VPS13B: variants seen among roughly 807,000 people sequenced by gnomAD.
VPS13B encodes intermembrane lipid transfer protein VPS13B.
VPS13B carries 285 observed loss-of-function variants against 426.4 expected under a neutral mutation model. That is an observed-to-expected ratio of 0.67 (90% CI 0.61 to 0.74). VPS13B has a LOEUF of 0.74. VPS13B is among the 30% of genes least tolerant of loss of function. The pLI, the probability that VPS13B is intolerant of heterozygous loss-of-function variation, is 0.00. For missense variants in VPS13B, 4,537 were observed against 4,782.6 expected (o/e 0.95, Z 1.51); for synonymous variants, 1,676 against 1,676.4 (o/e 1.00, Z 0.01).
At chr8:99,530,169 A>G (rs547732260) in intron 30 of VPS13B, among the ~76,000 whole-genome samples, 25 of 152,150 alleles carry the variant, frequency 1.6e-4, no homozygotes, top group Non-Finnish European at 2.5e-4. Flanking sequence ...AATCCTTAAG[A>G]ATCGCATCTA....
At chr8:99,825,884 G>T (rs958665856) in intron 51 of VPS13B, among the ~76,000 whole-genome samples, 4 of 152,136 alleles carry the variant, frequency 2.6e-5, no homozygotes, top group African/African-American at 9.7e-5. Flanking sequence ...GGTTGTAGAT[G>T]TGTGGTGTTA....
intron 19 of VPS13B, among the ~76,000 whole-genome samples, chr8:99,356,007 C>T (rs1307564302): frequency 6.6e-6 from 1 of 152,070 alleles, no homozygotes; most frequent in Non-Finnish European, 1.5e-5. Context: ...AGGGGTGCTA[C>T]CCACGTCATA....
At chr8:99,576,245 A>G (rs1825768808) in intron 32 of VPS13B, among the ~76,000 whole-genome samples, 3 of 152,264 alleles carry the variant, frequency 2.0e-5, no homozygotes, top group African/African-American at 4.8e-5. Flanking sequence ...AATCCTACCA[A>G]TTGCATTCAT....
intron 2 of VPS13B, among the ~76,000 whole-genome samples, chr8:99,028,522 ACC>A (rs754701678): frequency 0.024 from 1,179 of 50,004 alleles, 270 homozygotes; most frequent in Non-Finnish European, 0.029. Context: ...CGGGGGGCTG[ACC>A]CCCCCCCCCA....
At chr8:99,360,945 G>T (rs1048918617) in intron 19 of VPS13B, among the ~76,000 whole-genome samples, 1 of 152,050 alleles carries the variant, frequency 6.6e-6, no homozygotes, top group African/African-American at 2.4e-5. Context: ...ATTGTCCTTT[G>T]AGAGAAATCA....
intron 27 of VPS13B, 121 bp downstream of exon 27, chr8:99,503,071 G>A (rs553105420): frequency 8.7e-6 from 6 of 686,422 alleles, no homozygotes; most frequent in African/African-American, 3.6e-5. Flanking sequence ...GCATACCTCG[G>A]ACATATTGAG....
intron 21 of VPS13B, among the ~76,000 whole-genome samples, chr8:99,418,910 C>A (rs1196329907): frequency 6.6e-6 from 1 of 152,210 alleles, no homozygotes; most frequent in East Asian, 1.9e-4. Context: ...CTTAAGCTTT[C>A]TGCAAACTTG....
chr8:99,550,538 CT>C (rs1445225185), intron 30 of VPS13B, among the ~76,000 whole-genome samples: 1 of 151,358 alleles, frequency 6.6e-6, no homozygotes, highest in Non-Finnish European at 1.5e-5. Flanking sequence ...CTATCTTTAT[CT>C]TTTTTTCCCT....
chr8:99,345,506 T>C (rs1258909269), intron 19 of VPS13B, among the ~76,000 whole-genome samples: 1 of 152,218 alleles, frequency 6.6e-6, no homozygotes, highest in Non-Finnish European at 1.5e-5. Context: ...ATACACATTG[T>C]TATATATTTT....
At chr8:99,159,985 TAA>T (rs934769015) in intron 15 of VPS13B, among the ~76,000 whole-genome samples, 2 of 152,024 alleles carry the variant, frequency 1.3e-5, no homozygotes, top group African/African-American at 2.4e-5. Flanking sequence ...TTAAGGTATA[TAA>T]GTTTTTTTTT....
intron 23 of VPS13B, among the ~76,000 whole-genome samples, chr8:99,444,882 C>A (rs1038686762): frequency 6.6e-6 from 1 of 151,992 alleles, no homozygotes; most frequent in East Asian, 1.9e-4. Flanking sequence ...AGGTTGGTAT[C>A]GAACTCCTGG....
At chr8:99,697,893 T>C in intron 35 of VPS13B, 1 of 492,768 alleles carries the variant, frequency 2.0e-6, no homozygotes, top group Non-Finnish European at 3.9e-6. Context: ...ATCAATGTGA[T>C]TGAGTTGGTG....
Position 99,315,660 on chromosome 8 carries a change from G to A in VPS13B, c.2824+40406G>A, listed in dbSNP as rs369670600. Among the ~76,000 whole-genome samples, 22 of 147,882 alleles carry A rather than the reference G, an allele frequency of 1.5e-4. No homozygotes were observed. The East Asian group carries it at 3.9e-3, about 26-fold the overall frequency. ...AAATTTCTTTTTTTTTTTTTGAGAC[G>A]GAGTCTTGCTCTGTTGCCCAGGCTG... On this transcript the variant is annotated intron_variant, in intron 19 of 61. Transcript: ENST00000357162.
intron 8 of VPS13B, 24 bp downstream of exon 8, chr8:99,121,469 A>C (rs757901988): frequency 8.7e-6 from 14 of 1,611,222 alleles, no homozygotes; most frequent in Admixed American, 1.7e-5. Context: ...CTTGCTGTTT[A>C]TATCTCTATC....
chr8:99,606,340 T>C (rs1053571035), intron 33 of VPS13B, among the ~76,000 whole-genome samples: 2 of 152,048 alleles, frequency 1.3e-5, no homozygotes, highest in Admixed American at 1.3e-4. Flanking sequence ...CAAATTTATC[T>C]TTCAGTTCTT....
chr8:99,135,816 T>G (rs1209118644), intron 11 of VPS13B, 83 bp downstream of exon 11: 123 of 1,568,190 alleles, frequency 7.8e-5, no homozygotes, highest in Non-Finnish European at 1.0e-4. Context: ...TCTAGCTTTC[T>G]TTTCAAATAA....
intron 3 of VPS13B, among the ~76,000 whole-genome samples, chr8:99,043,121 T>C (rs1843049634): frequency 6.6e-6 from 1 of 152,184 alleles, no homozygotes; most frequent in South Asian, 2.1e-4. Context: ...AGAATTTCCA[T>C]ACTTTCACAG....
intron 17 of VPS13B, among the ~76,000 whole-genome samples, chr8:99,231,147 A>C (rs1210268932): frequency 6.6e-6 from 1 of 152,250 alleles, no homozygotes; most frequent in Non-Finnish European, 1.5e-5. Context: ...TCACCAGAGT[A>C]AAATACTATA....
At chr8:99,190,337 T>C (rs1813487523) in intron 16 of VPS13B, among the ~76,000 whole-genome samples, 1 of 151,936 alleles carries the variant, frequency 6.6e-6, no homozygotes. Flanking sequence ...TGGATATATA[T>C]GGGTCTTTTT....
Sources: allele counts gnomAD v4.1 joint callset (sites outside exome capture counted in the v4.1 genomes callset), GRCh38; gene constraint gnomAD v4.1.1; transcripts MANE v1.5; gene names NCBI Gene and HGNC (gene_info 2026-07-23, HGNC 2026-07-21).